Variants in SEMA3E observed in about 807,000 individuals in gnomAD.
SEMA3E encodes the protein semaphorin-3E.
In SEMA3E, 49 loss-of-function variants were observed where a neutral mutation model predicts 93.6. The ratio of observed to expected loss-of-function variants is 0.52; its 90% CI spans 0.42 to 0.66. SEMA3E has a LOEUF of 0.66. SEMA3E is among the 30% of genes least tolerant of loss of function. SEMA3E has a pLI of 0.00. For synonymous variants in SEMA3E, 363 were observed against 330.7 expected (o/e 1.10, Z -1.06); for missense variants, 906 against 964.8 (o/e 0.94, Z 0.81).
chr7:83,442,635 G>A (rs533802558), intron 4 of SEMA3E, among the ~76,000 whole-genome samples: 7 of 152,100 alleles, frequency 4.6e-5, no homozygotes, highest in South Asian at 2.1e-4. Flanking sequence ...TGCTATACTC[G>A]GGGTCAGGTT....
chr7:83,387,799 C>T (rs796386714), intron 14 of SEMA3E, among the ~76,000 whole-genome samples: 17 of 132,916 alleles, frequency 1.3e-4, no homozygotes, highest in Middle Eastern at 3.9e-3. Context: ...TCTGTATCTG[C>T]GGAAAAATTC....
At chr7:83,616,130 G>C (rs1045181608) in intron 1 of SEMA3E, among the ~76,000 whole-genome samples, 1 of 151,980 alleles carries the variant, frequency 6.6e-6, no homozygotes, top group Non-Finnish European at 1.5e-5. Context: ...TTCAGTTGGG[G>C]GTAAATAGCT....
At position 83,408,507 on chromosome 7, in the gene SEMA3E, A is replaced by C; in HGVS notation, c.551-20T>G. The stretch of plus-strand genomic sequence containing the variant: ...CACTACCTACACGGGAGCATCAGTA[A>C]AAAAGAAGTCAGTATTTGTTAATAT... On this transcript the variant is annotated intron_variant, in intron 5 of 16. Coordinates refer to ENST00000643230, the MANE Select transcript of SEMA3E (RefSeq NM_012431.3). 1 of 1,613,060 alleles carries C rather than the reference A, an allele frequency of 6.2e-7. No homozygotes were observed. The highest frequency in any genetic ancestry group is 1.1e-5 in the South Asian group (1 of 91,038).
intron 14 of SEMA3E, among the ~76,000 whole-genome samples, chr7:83,392,276 T>C (rs1788033746): frequency 6.6e-6 from 1 of 152,242 alleles, no homozygotes; most frequent in East Asian, 1.9e-4. Flanking sequence ...TGATTTTCCT[T>C]TTAAGTCTTT....
At chr7:83,504,816 C>T (rs572637373) in intron 1 of SEMA3E, among the ~76,000 whole-genome samples, 1 of 152,146 alleles carries the variant, frequency 6.6e-6, no homozygotes, top group Non-Finnish European at 1.5e-5. Flanking sequence ...CAGAAAGGCT[C>T]TTATGTGTTA....
intron 1 of SEMA3E, among the ~76,000 whole-genome samples, chr7:83,528,488 A>G (rs17446324): frequency 0.15 from 23,148 of 152,136 alleles, 2,342 homozygotes; most frequent in Middle Eastern, 0.35. Flanking sequence ...GGTGTGGTTA[A>G]CAAGAGCACG....
At chr7:83,562,172 G>T (rs969037976) in intron 1 of SEMA3E, among the ~76,000 whole-genome samples, 1 of 152,060 alleles carries the variant, frequency 6.6e-6, no homozygotes, top group African/African-American at 2.4e-5. Flanking sequence ...AAAGCACAGA[G>T]TTTTCTTAAC....
In SEMA3E at chr7:83,385,411, T is replaced by G; in HGVS notation, c.1758A>C (p.Glu586Asp). 6.2e-7 allele frequency: 1 copy of G among 1,613,488 alleles called. No individual in the cohort carries two copies. The highest frequency in any genetic ancestry group is 8.5e-7 in the Non-Finnish European group (1 of 1,179,550). ...TCTCTATGCCATAAGCCAGATGTTC[T>G]TCAGTCTTATCCAAAGCATCCCCTA... The part of the protein sequence containing the change: ...QFVGDALDKT[E>D]EHLAYGIENN... Residue 586 changes from glutamate to aspartate, a missense_variant, in exon 16 of 17, where the codon GAA becomes GAC. Transcript: ENST00000643230.
intron 1 of SEMA3E, among the ~76,000 whole-genome samples, chr7:83,628,159 G>T (rs1793711947): frequency 6.6e-6 from 1 of 152,130 alleles, no homozygotes; most frequent in Admixed American, 6.6e-5. Flanking sequence ...CTCTCTTCTG[G>T]CTTGTAGGGC....
intron 1 of SEMA3E, among the ~76,000 whole-genome samples, chr7:83,622,664 G>A (rs947259912): frequency 6.6e-6 from 1 of 152,192 alleles, no homozygotes; most frequent in Admixed American, 6.5e-5. Flanking sequence ...AAAGGAATGA[G>A]ATCATGTCCT....
intron 1 of SEMA3E, among the ~76,000 whole-genome samples, chr7:83,556,893 C>T (rs1584329376): frequency 6.6e-6 from 1 of 152,106 alleles, no homozygotes; most frequent in Non-Finnish European, 1.5e-5. Context: ...ACCTTTCCAT[C>T]CTCACCTTGG....
intron 2 of SEMA3E, among the ~76,000 whole-genome samples, chr7:83,480,095 G>T (rs2115936806): frequency 1.3e-5 from 2 of 152,200 alleles, no homozygotes; most frequent in South Asian, 4.1e-4. Flanking sequence ...TTTATTTTTG[G>T]TTAATACTAA....
At chr7:83,480,543 A>C (rs1169563307) in intron 2 of SEMA3E, among the ~76,000 whole-genome samples, 2 of 152,152 alleles carry the variant, frequency 1.3e-5, no homozygotes, top group Non-Finnish European at 2.9e-5. Context: ...CTAACAGAAT[A>C]GTTGTGTAAA....
intron 4 of SEMA3E, among the ~76,000 whole-genome samples, chr7:83,458,698 T>C (rs59525725): frequency 0.043 from 6,487 of 151,924 alleles, 200 homozygotes; most frequent in African/African-American, 0.079. Context: ...TAGTAGCACA[T>C]TGGAGATATC....
intron 1 of SEMA3E, among the ~76,000 whole-genome samples, chr7:83,634,445 G>A (rs1394019587): frequency 6.6e-6 from 1 of 151,846 alleles, no homozygotes; most frequent in African/African-American, 2.4e-5. Flanking sequence ...ACTTCAGTTT[G>A]GGCATACACA....
At chr7:83,520,688 C>A (rs1237437757) in intron 1 of SEMA3E, among the ~76,000 whole-genome samples, 1 of 152,172 alleles carries the variant, frequency 6.6e-6, no homozygotes, top group African/African-American at 2.4e-5. Flanking sequence ...GCAAGTTTAG[C>A]ATTTCCAATA....
chr7:83,536,848 G>A (rs1356074020), intron 1 of SEMA3E, among the ~76,000 whole-genome samples: 1 of 151,972 alleles, frequency 6.6e-6, no homozygotes, highest in Non-Finnish European at 1.5e-5. Context: ...TTTATTCAAA[G>A]TTATGTATTG....
At chr7:83,534,854 AG>A (rs1791381018) in intron 1 of SEMA3E, among the ~76,000 whole-genome samples, 1 of 152,176 alleles carries the variant, frequency 6.6e-6, no homozygotes, top group Non-Finnish European at 1.5e-5. Context: ...TTTGCATTGG[AG>A]GTGAAGTAAA....
intron 4 of SEMA3E, among the ~76,000 whole-genome samples, chr7:83,460,858 C>T (rs1305117569): frequency 6.6e-6 from 1 of 151,434 alleles, no homozygotes; most frequent in African/African-American, 2.4e-5. Flanking sequence ...AGGTAAGAAC[C>T]CCCAAACCCA....
Sources: allele counts gnomAD v4.1 joint callset (sites outside exome capture counted in the v4.1 genomes callset), GRCh38; gene constraint gnomAD v4.1.1; transcripts MANE v1.5; gene names NCBI Gene and HGNC (gene_info 2026-07-23, HGNC 2026-07-21).